DLC1: variants seen among roughly 807,000 people sequenced by gnomAD.
DLC1 encodes DLC1 Rho GTPase activating protein, also known as rho GTPase-activating protein 7.
A neutral mutation model predicts 140.3 loss-of-function variants in DLC1; 54 were observed. That is an observed-to-expected ratio of 0.38 (90% confidence interval 0.31 to 0.48). The LOEUF is 0.48. Among genes scored for constraint, DLC1 ranks in the 20% least tolerant of loss-of-function variants. The pLI, the probability that DLC1 is intolerant of heterozygous loss-of-function variation, is 0.96. For missense variants in DLC1, 2,536 were observed against 1,907.0 expected (o/e 1.33, Z -6.14); for synonymous variants, 986 against 728.1 (o/e 1.35, Z -5.70).
At chr8:13,414,090 A>C (rs1205474323) in intron 2 of DLC1, among the ~76,000 whole-genome samples, 1 of 152,056 alleles carries the variant, frequency 6.6e-6, no homozygotes, top group Non-Finnish European at 1.5e-5. Context: ...AAACACGAAA[A>C]AGCTCCCCAG....
intron 1 of DLC1, among the ~76,000 whole-genome samples, chr8:13,575,347 G>C (rs1479466666): frequency 2.0e-5 from 3 of 152,050 alleles, no homozygotes; most frequent in Admixed American, 6.5e-5. Flanking sequence ...AGGGTTAGGA[G>C]GGGGGTACGA....
intron 2 of DLC1, among the ~76,000 whole-genome samples, chr8:13,486,898 G>A (rs1000587112): frequency 6.6e-6 from 1 of 152,172 alleles, no homozygotes; most frequent in Non-Finnish European, 1.5e-5. Flanking sequence ...TACATAGGGT[G>A]AGAAATAATC....
chr8:13,420,862 T>G (rs2117344430), intron 2 of DLC1, among the ~76,000 whole-genome samples: 1 of 152,248 alleles, frequency 6.6e-6, no homozygotes, highest in East Asian at 1.9e-4. Flanking sequence ...CTGCTTAATT[T>G]TAGGCCGTAT....
chr8:13,180,136 CAT>C (rs1407673130), intron 5 of DLC1, among the ~76,000 whole-genome samples: 1 of 152,174 alleles, frequency 6.6e-6, no homozygotes, highest in Non-Finnish European at 1.5e-5. Flanking sequence ...TCCCTTAATT[CAT>C]ATGTCAAGGT....
At chr8:13,579,648 T>TA (rs1013309164) in intron 1 of DLC1, among the ~76,000 whole-genome samples, 1 of 138,182 alleles carries the variant, frequency 7.2e-6, no homozygotes, top group African/African-American at 2.7e-5. Flanking sequence ...TAATATATTA[T>TA]AAAAAATATA....
At chr8:13,532,266 T>C (rs1803123598) in intron 1 of DLC1, among the ~76,000 whole-genome samples, 1 of 152,086 alleles carries the variant, frequency 6.6e-6, no homozygotes, top group African/African-American at 2.4e-5. Flanking sequence ...TGAGATCCTG[T>C]CTAAAAACAA....
chr8:13,393,321 C>G (rs1424860733), intron 4 of DLC1, among the ~76,000 whole-genome samples: 1 of 152,126 alleles, frequency 6.6e-6, no homozygotes, highest in African/African-American at 2.4e-5. Context: ...TTAATTAGCA[C>G]GTTTCGAATA....
intron 1 of DLC1, among the ~76,000 whole-genome samples, chr8:13,577,271 G>A (rs1215326880): frequency 2.0e-5 from 3 of 152,106 alleles, no homozygotes; most frequent in Non-Finnish European, 2.9e-5. Flanking sequence ...AGGGAGGGAG[G>A]TCTATAGAGC....
intron 2 of DLC1, among the ~76,000 whole-genome samples, chr8:13,413,818 C>T (rs1837920406): frequency 6.6e-6 from 1 of 152,118 alleles, no homozygotes; most frequent in South Asian, 2.1e-4. Context: ...CCATGCGGAA[C>T]TCTGAGTCAG....
At chr8:13,311,362 G>A (rs944243055) in intron 4 of DLC1, among the ~76,000 whole-genome samples, 27 of 152,128 alleles carry the variant, frequency 1.8e-4, no homozygotes, top group African/African-American at 6.3e-4. Flanking sequence ...TAGTGTTCAC[G>A]ATTCCAACTT....
intron 5 of DLC1, among the ~76,000 whole-genome samples, chr8:13,147,124 T>G (rs1038369666): frequency 6.6e-6 from 1 of 152,232 alleles, no homozygotes; most frequent in Admixed American, 6.5e-5. Context: ...ATATTCTTTG[T>G]CCTTGCTAGG....
chr8:13,178,288 C>T (rs1310493075), intron 5 of DLC1, among the ~76,000 whole-genome samples: 2 of 152,096 alleles, frequency 1.3e-5, no homozygotes, highest in East Asian at 1.9e-4. Context: ...ATAGGCCGGG[C>T]GCGGTGGCTC....
rs142560792 is a variant in DLC1, at chr8:13,580,234, T to C, written c.-126+24303A>G. 9.7e-3 allele frequency among the ~76,000 whole-genome samples: 1,477 copies of C among 152,200 alleles called. 20 individuals are homozygous for C. Among genetic ancestry groups the C allele is most frequent in the African/African-American group, 0.034 (1,395 of 41,502 alleles). On this transcript the variant is annotated intron_variant, in intron 1 of 1. Transcript: ENST00000631382. Reference sequence around the variant, plus strand: ...GCCTCCCTGGTTCACGCCATTCTCCTGCCTCAGCCTCCCGAGTAGCTGGGC... The same window carrying C: ...GCCTCCCTGGTTCACGCCATTCTCCCGCCTCAGCCTCCCGAGTAGCTGGGC...
At chr8:13,108,959 G>C (rs530900278) in intron 7 of DLC1, among the ~76,000 whole-genome samples, 8 of 152,140 alleles carry the variant, frequency 5.3e-5, no homozygotes, top group Admixed American at 5.2e-4. Flanking sequence ...GTTTCTTTCA[G>C]AAAATGGGTA....
intron 1 of DLC1, among the ~76,000 whole-genome samples, chr8:13,529,181 G>T (rs756819429): frequency 1.3e-5 from 2 of 152,034 alleles, no homozygotes; most frequent in African/African-American, 2.4e-5. Flanking sequence ...TAAGCTACTT[G>T]CTGTTCAAAT....
intron 2 of DLC1, among the ~76,000 whole-genome samples, chr8:13,493,275 C>T (rs746233556): frequency 3.9e-5 from 6 of 152,208 alleles, no homozygotes; most frequent in Non-Finnish European, 8.8e-5. Context: ...TCCTTGTCGG[C>T]TGATACTAAG....
At chr8:13,363,672 A>T in intron 4 of DLC1, among the ~76,000 whole-genome samples, 1 of 152,302 alleles carries the variant, frequency 6.6e-6, no homozygotes. Context: ...AAACAAAAAA[A>T]ACCAAAAGGA....
intron 5 of DLC1, among the ~76,000 whole-genome samples, chr8:13,175,771 A>C (rs1825726899): frequency 6.6e-6 from 1 of 152,144 alleles, no homozygotes; most frequent in South Asian, 2.1e-4. Flanking sequence ...TGCTTAATAC[A>C]TGTATATATA....
chr8:13,251,281 C>T (rs1434525939), intron 5 of DLC1, among the ~76,000 whole-genome samples: 1 of 152,154 alleles, frequency 6.6e-6, no homozygotes, highest in Non-Finnish European at 1.5e-5. Flanking sequence ...GGGGTTAGAG[C>T]TTTAACATAT....
Sources: gnomAD v4.1 joint callset for allele counts (sites outside exome capture counted in the v4.1 genomes callset) on GRCh38, gnomAD v4.1.1 for gene constraint, MANE v1.5 for transcripts, NCBI Gene and HGNC (gene_info 2026-07-23, HGNC 2026-07-21) for gene names.